The following MAP7 variants were observed in gnomAD, a reference collection of about 807,000 sequenced individuals.
The protein encoded by MAP7 is ensconsin.
MAP7 carries 52 observed loss-of-function variants against 94.8 expected under a neutral mutation model. The observed-to-expected ratio is 0.55, with a 90% confidence interval of 0.44 to 0.69. MAP7 has a LOEUF of 0.69. MAP7 is among the 30% of genes least tolerant of loss of function. MAP7 has a pLI of 0.00. For synonymous variants in MAP7, 350 were observed against 357.0 expected (o/e 0.98, Z 0.22); for missense variants, 940 against 964.6 (o/e 0.97, Z 0.34).
intron 1 of MAP7, among the ~76,000 whole-genome samples, chr6:136,447,539 A>T (rs1355042658): frequency 2.6e-5 from 4 of 152,196 alleles, no homozygotes; most frequent in African/African-American, 9.6e-5. Flanking sequence ...AGTATCATAA[A>T]TTTTTTAAAA....
At chr6:136,473,499 T>C (rs935455145) in intron 1 of MAP7, among the ~76,000 whole-genome samples, 3 of 152,240 alleles carry the variant, frequency 2.0e-5, no homozygotes, top group African/African-American at 7.2e-5. Flanking sequence ...AATGGGATCT[T>C]CCATGTAACA....
At chr6:136,496,402 C>G (rs1309052173) in intron 1 of MAP7, among the ~76,000 whole-genome samples, 1 of 151,170 alleles carries the variant, frequency 6.6e-6, no homozygotes, top group East Asian at 1.9e-4. Context: ...ATGGAGTTAA[C>G]ACTCAACAAA....
intron 1 of MAP7, among the ~76,000 whole-genome samples, chr6:136,451,461 T>C (rs748790012): frequency 5.3e-5 from 8 of 152,190 alleles, no homozygotes; most frequent in Non-Finnish European, 1.2e-4. Flanking sequence ...TTACTGTTCA[T>C]TGACAATGCA....
chr6:136,408,517 C>T (rs1238667529), intron 3 of MAP7, among the ~76,000 whole-genome samples: 6 of 152,076 alleles, frequency 3.9e-5, no homozygotes, highest in Admixed American at 1.3e-4. Context: ...TTTTAAAATA[C>T]GTGGATTAAA....
chr6:136,450,854 T>G (rs1301689940), intron 1 of MAP7, among the ~76,000 whole-genome samples: 1 of 152,056 alleles, frequency 6.6e-6, no homozygotes, highest in Admixed American at 6.5e-5. Flanking sequence ...AAAGTCAATG[T>G]TCTGTTTTTT....
In MAP7 at chr6:136,531,340, G is replaced by A. The variant is rs1341161352; in HGVS notation, c.67+19002C>T. 1.8e-4 allele frequency among the ~76,000 whole-genome samples: 26 copies of A among 144,812 alleles called. 4 individuals are homozygous for A. Among genetic ancestry groups the A allele is most frequent in the Admixed American group, 1.8e-3 (26 of 14,856 alleles). ...CTGTAAGTTACCTAATTCACTGAGGGTCTGTGAGCAGTTTAATTTAGTGTT... is the reference window on the plus strand; with the variant it reads ...CTGTAAGTTACCTAATTCACTGAGGATCTGTGAGCAGTTTAATTTAGTGTT... On this transcript the variant is annotated intron_variant, in intron 1 of 17. Coordinates refer to ENST00000354570, the MANE Select transcript of MAP7 (RefSeq NM_003980.6).
At chr6:136,413,394 T>C (rs1036250721) in intron 2 of MAP7, among the ~76,000 whole-genome samples, 5 of 151,624 alleles carry the variant, frequency 3.3e-5, no homozygotes, top group Admixed American at 1.3e-4. Context: ...TGGTGGCACA[T>C]GCCTGTAGTC....
At chr6:136,375,894 G>A (rs1175241789) in intron 7 of MAP7, among the ~76,000 whole-genome samples, 2 of 152,162 alleles carry the variant, frequency 1.3e-5, no homozygotes, top group Non-Finnish European at 2.9e-5. Context: ...GAGAAGATGG[G>A]CAAGTAGAAT....
intron 3 of MAP7, among the ~76,000 whole-genome samples, chr6:136,405,318 A>C (rs998582453): frequency 1.3e-5 from 2 of 152,226 alleles, no homozygotes; most frequent in African/African-American, 2.4e-5. Flanking sequence ...TGACAGAGCT[A>C]GGGAGAAAAA....
intron 15 of MAP7, among the ~76,000 whole-genome samples, chr6:136,357,487 C>T (rs1307285106): frequency 2.0e-5 from 3 of 152,142 alleles, no homozygotes; most frequent in Non-Finnish European, 4.4e-5. Context: ...TCCTACCCCT[C>T]ACCCCCTTGC....
At position 136,365,753 on chromosome 6, in the gene MAP7, C is replaced by T. The variant is rs770928694; in HGVS notation, c.1255G>A (p.Glu419Lys). 5 of 1,613,810 alleles carry T rather than the reference C, an allele frequency of 3.1e-6. No homozygotes were observed. Among genetic ancestry groups the T allele is most frequent in the Non-Finnish European group, 3.4e-6 (4 of 1,179,880 alleles). ...EATVEERTPA[E>K]PEVGPAAPAM... Reference sequence around the variant, plus strand: ...CTCTTACCAGGGCCAACTTCTGGTTCAGCAGGTGTCCGCTCTTCAACTGTG... The same window carrying T: ...CTCTTACCAGGGCCAACTTCTGGTTTAGCAGGTGTCCGCTCTTCAACTGTG... Residue 419 changes from glutamate to lysine, a missense_variant, in exon 10 of 18, where the codon GAA becomes AAA. By Grantham distance (56) the Glu-to-Lys change is moderately conservative. Coordinates refer to ENST00000354570, the MANE Select transcript of MAP7 (RefSeq NM_003980.6).
chr6:136,374,960 C>G (rs527363791), intron 7 of MAP7, among the ~76,000 whole-genome samples: 138 of 152,028 alleles, frequency 9.1e-4, no homozygotes, highest in African/African-American at 3.2e-3. Flanking sequence ...CACTTCATAT[C>G]CCAAATAGTT....
chr6:136,460,651 A>G (rs1804898644), intron 1 of MAP7, among the ~76,000 whole-genome samples: 1 of 152,166 alleles, frequency 6.6e-6, no homozygotes. Flanking sequence ...CTTCAATACA[A>G]GCAGATTTAC....
chr6:136,524,833 T>C (rs1827387142), intron 1 of MAP7, among the ~76,000 whole-genome samples: 1 of 152,256 alleles, frequency 6.6e-6, no homozygotes, highest in African/African-American at 2.4e-5. Flanking sequence ...TTTGTCATGC[T>C]ACCTCTCTGC....
intron 1 of MAP7, among the ~76,000 whole-genome samples, chr6:136,462,626 G>C (rs904928387): frequency 6.6e-6 from 1 of 152,064 alleles, no homozygotes; most frequent in Non-Finnish European, 1.5e-5. Flanking sequence ...TATACTTTGA[G>C]GTCTCAGGAG....
chr6:136,482,609 A>G (rs1397775430), intron 1 of MAP7, among the ~76,000 whole-genome samples: 1 of 151,880 alleles, frequency 6.6e-6, no homozygotes, highest in African/African-American at 2.4e-5. Flanking sequence ...TCAAAAAAAA[A>G]AAAAACAGAC....
chr6:136,405,110 G>T (rs1197834088), intron 3 of MAP7, among the ~76,000 whole-genome samples: 2 of 152,150 alleles, frequency 1.3e-5, no homozygotes, highest in African/African-American at 4.8e-5. Context: ...TAACTAATAT[G>T]CAATACCTCC....
chr6:136,345,802 C>G (rs547591926), intron 17 of MAP7, 54 bp downstream of exon 17: 1 of 1,406,560 alleles, frequency 7.1e-7, no homozygotes, highest in Middle Eastern at 1.8e-4. Flanking sequence ...TTCGTGTCCT[C>G]CTGGGTGTCA....
chr6:136,345,132 A>G lies in MAP7; in HGVS notation c.2239+724T>C, dbSNP rs113608550. Among the ~76,000 whole-genome samples the G allele has an allele frequency of 2.0e-3, 308 of 152,314 alleles. 2 individuals carry two copies. Among genetic ancestry groups the G allele is most frequent in the African/African-American group, 7.1e-3 (296 of 41,570 alleles). On this transcript the variant is annotated intron_variant, in intron 17 of 17. Coordinates refer to ENST00000354570, the MANE Select transcript of MAP7 (RefSeq NM_003980.6). ...GATGGGATTGCGTTGCTGAGCTGCT[A>G]TGACCACTGAGTTAGTAATATTTGA...
Sources: gnomAD v4.1 joint callset for allele counts (sites outside exome capture counted in the v4.1 genomes callset) on GRCh38, gnomAD v4.1.1 for gene constraint, MANE v1.5 for transcripts, NCBI Gene and HGNC (gene_info 2026-07-23, HGNC 2026-07-21) for gene names.